The following DIP2C variants were observed in gnomAD, a reference collection of about 807,000 sequenced individuals.
DIP2C encodes the protein disco-interacting protein 2 homolog C.
Under a neutral mutation model 192.4 loss-of-function variants are expected in DIP2C, and 33 were observed. The observed-to-expected ratio is 0.17, with a 90% CI of 0.13 to 0.23. The LOEUF (loss-of-function observed/expected upper bound fraction) is 0.23. DIP2C is among the 10% of genes least tolerant of loss of function. The pLI is 1.00. For missense variants in DIP2C, 1,537 were observed against 2,110.1 expected, an observed-to-expected ratio of 0.73 and a Z score of 5.32; for synonymous variants, 979 against 864.1, an observed-to-expected ratio of 1.13 and a Z score of -2.33.
chr10:440,829 C>T, intron 4 of DIP2C, 42 bp downstream of exon 4: 1 of 1,589,098 alleles, frequency 6.3e-7, no homozygotes, highest in Non-Finnish European at 8.5e-7. Flanking sequence ...TCTGAGGTGC[C>T]CGGCACATTC....
intron 1 of DIP2C, among the ~76,000 whole-genome samples, chr10:684,219 G>GTGCAGGTCACAATGTTT (rs1831233408): frequency 6.6e-6 from 1 of 152,258 alleles, no homozygotes; most frequent in African/African-American, 2.4e-5. Context: ...TGCTGCCACT[G>GTGCAGGTCACAATGTTT]TGCAGGTCAC....
chr10:459,929 C>T (rs1049214518), intron 3 of DIP2C, among the ~76,000 whole-genome samples: 4 of 132,160 alleles, frequency 3.0e-5, no homozygotes, highest in African/African-American at 1.3e-4. Flanking sequence ...ATCAGGGAAC[C>T]AACCACCTGC....
intron 3 of DIP2C, among the ~76,000 whole-genome samples, chr10:445,993 A>G (rs1968161994): frequency 6.6e-6 from 1 of 151,672 alleles, no homozygotes; most frequent in Admixed American, 6.6e-5. Flanking sequence ...GGGCATCTGT[A>G]TACATCAGTC....
intron 4 of DIP2C, among the ~76,000 whole-genome samples, chr10:434,127 ACTG>A (rs1299590440): frequency 1.3e-5 from 2 of 152,186 alleles, no homozygotes; most frequent in Non-Finnish European, 2.9e-5. Flanking sequence ...CCCTTGTATC[ACTG>A]CTGTCATTCA....
intron 1 of DIP2C, among the ~76,000 whole-genome samples, chr10:498,698 G>A (rs548829616): frequency 3.3e-5 from 5 of 152,128 alleles, no homozygotes; most frequent in South Asian, 2.1e-4. Context: ...GGGCTCAAGC[G>A]TGCCCCAACC....
chr10:390,273 C>T lies in DIP2C; in HGVS notation c.1485G>A (p.Ala495=), dbSNP rs749520167. The part of the protein sequence containing the change: ...PHIKDANNDT[A]YIEYKTCKDG... ...GCCAAGGCTGACTCACCTCAATATA[C>T]GCAGTGTCGTTATTGGCATCTTTAA... Residue 495 remains alanine, a synonymous_variant, in exon 12 of 37, where the codon GCG becomes GCA. Coordinates refer to ENST00000280886, the MANE Select transcript of DIP2C (RefSeq NM_014974.3). 1.1e-5 allele frequency: 17 copies of T among 1,613,818 alleles called. No individual in the cohort carries two copies. Among genetic ancestry groups the T allele is most frequent in the Middle Eastern group, 1.6e-4 (1 of 6,078 alleles).
At chr10:333,034 C>T (rs1438155701) in intron 29 of DIP2C, among the ~76,000 whole-genome samples, 2 of 152,208 alleles carry the variant, frequency 1.3e-5, no homozygotes, top group East Asian at 3.8e-4. Flanking sequence ...TCCTGAGTAG[C>T]TGGGATGACA....
Position 481,574 on chromosome 10 carries a change from C to G in DIP2C, c.157+4885G>C, listed in dbSNP as rs116008819. Among the ~76,000 whole-genome samples the G allele has an allele frequency of 5.1e-3, 771 of 152,360 alleles. 10 individuals are homozygous for G. Among genetic ancestry groups the G allele is most frequent in the African/African-American group, 0.017 (724 of 41,592 alleles). On this transcript the variant is annotated intron_variant, in intron 2 of 36. Coordinates refer to ENST00000280886, the MANE Select transcript of DIP2C (RefSeq NM_014974.3). The stretch of plus-strand genomic sequence containing the variant: ...GGATGGTGCTGAGGTACATGTTACC[C>G]TCTGTCATTTCAGTCATTAATTAGC...
rs1856185536 is a variant in DIP2C at position 654,899 on chromosome 10, C to T, written c.85+34595G>A. On this transcript the variant is annotated intron_variant, in intron 1 of 36. Coordinates refer to ENST00000280886, the MANE Select transcript of DIP2C (RefSeq NM_014974.3). ...TCTACGATACAATATTATACTGTTT[C>T]ATTCTACACTATATAATACTGTACT... Among the ~76,000 whole-genome samples the T allele has an allele frequency of 2.0e-5, 3 of 152,162 alleles. 1 individual carries two copies. The South Asian group carries it at 6.2e-4, about 32-fold the overall frequency.
chr10:471,591 A>AT (rs757179794), intron 3 of DIP2C, among the ~76,000 whole-genome samples: 7 of 152,286 alleles, frequency 4.6e-5, no homozygotes, highest in Non-Finnish European at 1.0e-4. Context: ...AAACAAAGGG[A>AT]TTCACGAATC....
intron 1 of DIP2C, among the ~76,000 whole-genome samples, chr10:587,261 A>G (rs1588531052): frequency 1.3e-5 from 2 of 152,298 alleles, no homozygotes; most frequent in African/African-American, 4.8e-5. Flanking sequence ...GCAGGGTCTA[A>G]GGCTGGACCA....
rs79048242 is a variant in DIP2C, at chr10:378,083, G to C, written c.1991+4564C>G. 6.1e-3 allele frequency among the ~76,000 whole-genome samples: 925 copies of C among 152,222 alleles called. 4 individuals are homozygous for C. The highest frequency in any genetic ancestry group is 0.014 in the Middle Eastern group (4 of 294). ...GAAACAGTTTCCTGGTTTTCGCCTT[G>C]CAATTTGTCCTTTAAAAAATGTCTG... On this transcript the variant is annotated intron_variant, in intron 17 of 36. Coordinates refer to ENST00000280886, the MANE Select transcript of DIP2C (RefSeq NM_014974.3).
At position 384,043 on chromosome 10, in the gene DIP2C, C is replaced by G. The variant is rs760102920; in HGVS notation, c.1860G>C (p.Ala620=). 1 of 1,606,138 alleles carries G rather than the reference C, an allele frequency of 6.2e-7. No homozygotes were observed. Among genetic ancestry groups the G allele is most frequent in the Non-Finnish European group, 8.5e-7 (1 of 1,177,646 alleles). The change falls in exon 16 of 37, where the codon GCG becomes GCC. Residue 620 remains alanine, a synonymous_variant. Transcript: ENST00000280886. ...CTCACTTACAGGGGTTCGCGCCGTC[C>G]GCCACTATCAGCATTCGCAGAGAGG... ...NLSSLRMLIV[A]DGANPWSISS...
chr10:348,561 G>A lies in DIP2C; in HGVS notation c.3231+80C>T. ...CTTCCACAGCCAGCAGCTGCCCCAA[G>A]AGATGTCAGAGTCTGCGCGTTGCAA... On this transcript the variant is annotated intron_variant, in intron 26 of 36. Transcript: ENST00000280886. The A allele has an allele frequency of 1.9e-6, 3 of 1,555,398 alleles. 1 individual carries two copies. The South Asian group carries it at 3.7e-5, about 19-fold the overall frequency.
intron 1 of DIP2C, among the ~76,000 whole-genome samples, chr10:661,842 T>C (rs3853288): frequency 0.86 from 130,144 of 152,176 alleles, 57,530 homozygotes; most frequent in Non-Finnish European, 0.96. Context: ...TAAGTATCTC[T>C]GAATCAGGTC....
At chr10:517,609 T>C (rs778220222) in intron 1 of DIP2C, among the ~76,000 whole-genome samples, 1 of 152,332 alleles carries the variant, frequency 6.6e-6, no homozygotes, top group East Asian at 1.9e-4. Flanking sequence ...GAAGGCACCA[T>C]ATGGACGCCT....
chr10:420,507 A>AC (rs1000585721), intron 5 of DIP2C, among the ~76,000 whole-genome samples: 4 of 151,666 alleles, frequency 2.6e-5, no homozygotes, highest in East Asian at 1.9e-4. Flanking sequence ...ACCAACACAC[A>AC]CCCCCTCAAG....
In DIP2C at chr10:347,247, C is replaced by T. The variant is rs1179752924; in HGVS notation, c.3231+1394G>A. Among the ~76,000 whole-genome samples the T allele has an allele frequency of 4.3e-5, 5 of 115,246 alleles. 1 individual carries two copies. Among genetic ancestry groups the T allele is most frequent in the African/African-American group, 1.9e-4 (5 of 26,504 alleles). The allele number at this position is 115,246 out of a possible 152,430, so 75.6% of individuals were successfully genotyped here. ...CATCGTGCATAGTTCTCCCGGAAAC[C>T]CCACACGCACCCAACCCAGACACAT... On this transcript the variant is annotated intron_variant, in intron 26 of 36. Transcript: ENST00000280886.
At chr10:510,486 G>T (rs1396358096) in intron 1 of DIP2C, among the ~76,000 whole-genome samples, 1 of 152,224 alleles carries the variant, frequency 6.6e-6, no homozygotes, top group South Asian at 2.1e-4. Context: ...CCCGCCTGGG[G>T]TTCTCGTGAC....
Sources: gnomAD v4.1 joint callset for allele counts (sites outside exome capture counted in the v4.1 genomes callset) on GRCh38, gnomAD v4.1.1 for gene constraint, MANE v1.5 for transcripts, NCBI Gene and HGNC (gene_info 2026-07-23, HGNC 2026-07-21) for gene names.